Variants in GNA12 observed in about 807,000 individuals in gnomAD.
The protein encoded by GNA12 is G protein subunit alpha 12, also known as guanine nucleotide-binding protein subunit alpha-12.
Under a neutral mutation model 26.0 loss-of-function variants are expected in GNA12, and 9 were observed. The observed-to-expected ratio is 0.35, with a 90% CI of 0.21 to 0.60. The LOEUF (loss-of-function observed/expected upper bound fraction) is 0.60. Among genes scored for constraint, GNA12 ranks in the 20% least tolerant of loss-of-function variants. The pLI, the probability that GNA12 is intolerant of heterozygous loss-of-function variation, is 0.78. For synonymous variants in GNA12, 264 were observed against 219.6 expected, an observed-to-expected ratio of 1.20 and a Z score of -1.79; for missense variants, 405 against 525.8, an observed-to-expected ratio of 0.77 and a Z score of 2.25.
intron 1 of GNA12, among the ~76,000 whole-genome samples, chr7:2,815,611 G>A (rs1254893634): frequency 6.6e-6 from 1 of 152,156 alleles, no homozygotes; most frequent in Non-Finnish European, 1.5e-5. Context: ...CCTAAACCGC[G>A]GATGCTGCCT....
At chr7:2,803,737 G>A (rs1009437364) in intron 1 of GNA12, among the ~76,000 whole-genome samples, 1 of 151,628 alleles carries the variant, frequency 6.6e-6, no homozygotes, top group African/African-American at 2.4e-5. Context: ...CATAGGAGAA[G>A]CAAATTATCA....
At chr7:2,733,401 C>CAT (rs34004158) in intron 3 of GNA12, 50 bp downstream of exon 3, 1,182,496 of 1,531,660 alleles carry the variant, frequency 0.77, 458,951 homozygotes, top group East Asian at 0.93. Context: ...TCTCTGGACA[C>CAT]GTTTTCTAAC....
chr7:2,831,066 C>T (rs1793594854), intron 1 of GNA12, among the ~76,000 whole-genome samples: 1 of 152,122 alleles, frequency 6.6e-6, no homozygotes, highest in South Asian at 2.1e-4. Context: ...CACATAAACA[C>T]ACACTTAATA....
At position 2,730,885 on chromosome 7, in the gene GNA12, A is replaced by C. The variant is rs1050367499; in HGVS notation, c.*296T>G. 5.6e-6 allele frequency: 2 copies of C among 355,036 alleles called. No individual in the cohort carries two copies. Among genetic ancestry groups the C allele is most frequent in the African/African-American group, 2.0e-5 (1 of 49,270 alleles). The allele number at this position is 355,036 out of a possible 1,614,324, so 22.0% of individuals were successfully genotyped here. ...ATTAAACTGCGTCAGAAAAAGAGGA[A>C]CGTTTCTGTAAAAGCAAAGCAAGCT... is the stretch of plus-strand genomic sequence containing the variant. On this transcript the variant is annotated 3_prime_UTR_variant, in exon 4 of 4. Coordinates refer to ENST00000275364, the MANE Select transcript of GNA12 (RefSeq NM_007353.3).
chr7:2,730,851 C>A lies in GNA12; in HGVS notation c.*330G>T. The A allele has an allele frequency of 3.7e-6, 1 of 268,240 alleles. No homozygotes were observed. The allele number at this position is 268,240 out of a possible 1,614,324, so 16.6% of individuals were successfully genotyped here. ...TGTGTACACACATACACACACAACACGGTCCTCAATTAAACTGCGTCAGAA... is the reference window on the plus strand; with the variant it reads ...TGTGTACACACATACACACACAACAAGGTCCTCAATTAAACTGCGTCAGAA... On this transcript the variant is annotated 3_prime_UTR_variant, in exon 4 of 4. Transcript: ENST00000275364.
chr7:2,800,137 A>C (rs1792772903), intron 1 of GNA12, among the ~76,000 whole-genome samples: 1 of 152,238 alleles, frequency 6.6e-6, no homozygotes, highest in Non-Finnish European at 1.5e-5. Context: ...CATACCATGG[A>C]CCATTACCCA....
chr7:2,791,093 G>C (rs1039594843), intron 2 of GNA12, among the ~76,000 whole-genome samples: 1 of 152,102 alleles, frequency 6.6e-6, no homozygotes, highest in Admixed American at 6.6e-5. Context: ...ATTAGTTAAT[G>C]AGCAAGCTAT....
At chr7:2,742,015 AATTTTTTT>A (rs1200063603) in intron 2 of GNA12, among the ~76,000 whole-genome samples, 4 of 151,592 alleles carry the variant, frequency 2.6e-5, no homozygotes, top group Admixed American at 6.6e-5. Context: ...GAAACACTTG[AATTTTTTT>A]ATTTTTTTAT....
chr7:2,796,460 G>A (rs1304200028), intron 1 of GNA12, among the ~76,000 whole-genome samples: 3 of 152,118 alleles, frequency 2.0e-5, no homozygotes, highest in East Asian at 1.9e-4. Flanking sequence ...TACTACCAGC[G>A]CTACTATTGT....
At chr7:2,765,315 T>A (rs935973514) in intron 2 of GNA12, among the ~76,000 whole-genome samples, 2 of 151,934 alleles carry the variant, frequency 1.3e-5, no homozygotes, top group Non-Finnish European at 2.9e-5. Context: ...GCCCGCCTAA[T>A]TTTTTTGTAT....
intron 1 of GNA12, among the ~76,000 whole-genome samples, chr7:2,839,299 T>C (rs1177687062): frequency 6.6e-6 from 1 of 152,224 alleles, no homozygotes; most frequent in African/African-American, 2.4e-5. Context: ...AGTGGCACGA[T>C]GTTGGCTCAC....
intron 2 of GNA12, among the ~76,000 whole-genome samples, chr7:2,773,131 C>T (rs1023762145): frequency 1.3e-5 from 2 of 152,136 alleles, no homozygotes; most frequent in African/African-American, 4.8e-5. Context: ...GGGGAAGCAG[C>T]GGGAGGGACT....
intron 2 of GNA12, among the ~76,000 whole-genome samples, chr7:2,743,269 C>T (rs1004611813): frequency 2.6e-5 from 4 of 152,092 alleles, no homozygotes; most frequent in Non-Finnish European, 4.4e-5. Context: ...TTGGGTCTCA[C>T]CAAGTTAAAT....
chr7:2,733,878 C>A (rs908314528), intron 2 of GNA12, among the ~76,000 whole-genome samples: 2 of 152,208 alleles, frequency 1.3e-5, no homozygotes, highest in Non-Finnish European at 2.9e-5. Context: ...TAGATTTTGG[C>A]TCCTGGGTAC....
chr7:2,741,329 T>C (rs766776606), intron 2 of GNA12, among the ~76,000 whole-genome samples: 1 of 152,118 alleles, frequency 6.6e-6, no homozygotes, highest in Non-Finnish European at 1.5e-5. Context: ...CACTCAGGCC[T>C]GGGCAACAGA....
At chr7:2,788,391 T>C (rs1040575476) in intron 2 of GNA12, among the ~76,000 whole-genome samples, 4 of 152,132 alleles carry the variant, frequency 2.6e-5, no homozygotes, top group African/African-American at 9.7e-5. Context: ...GAAGTCACTC[T>C]AAAAGAAGAG....
At chr7:2,808,687 C>A (rs1175212448) in intron 1 of GNA12, among the ~76,000 whole-genome samples, 1 of 152,202 alleles carries the variant, frequency 6.6e-6, no homozygotes, top group Non-Finnish European at 1.5e-5. Flanking sequence ...CCATGGCTCT[C>A]ACTTGGGTCC....
At chr7:2,843,509 T>C (rs1779066433) in intron 1 of GNA12, among the ~76,000 whole-genome samples, 1 of 151,732 alleles carries the variant, frequency 6.6e-6, no homozygotes. Context: ...TTAGCTGGGC[T>C]GGTGGTGCGC....
At chr7:2,735,180 C>T (rs566314258) in intron 2 of GNA12, among the ~76,000 whole-genome samples, 1 of 152,330 alleles carries the variant, frequency 6.6e-6, no homozygotes, top group East Asian at 1.9e-4. Context: ...CTCTCCTGCC[C>T]TCCCCTGGGC....
Sources: gnomAD v4.1 joint callset for allele counts (sites outside exome capture counted in the v4.1 genomes callset) on GRCh38, gnomAD v4.1.1 for gene constraint, MANE v1.5 for transcripts, NCBI Gene and HGNC (gene_info 2026-07-23, HGNC 2026-07-21) for gene names.